The following RLN2 variants were observed in gnomAD, a reference collection of about 807,000 sequenced individuals.
RLN2 encodes the protein prorelaxin H2.
In RLN2, 10 loss-of-function variants were observed where a neutral mutation model predicts 7.3. The ratio of observed to expected loss-of-function variants is 1.36; its 90% CI spans 0.84 to 2.31. The LOEUF (loss-of-function observed/expected upper bound fraction) is 2.31. RLN2 is among the 30% of genes most tolerant of loss of function. The probability of loss-of-function intolerance (pLI) is 0.00; values close to 1 mark genes in which losing one functional copy is unlikely to be tolerated. For synonymous variants in RLN2, 103 were observed against 82.3 expected, an observed-to-expected ratio of 1.25 and a Z score of -1.36; for missense variants, 298 against 217.6, an observed-to-expected ratio of 1.37 and a Z score of -2.32.
intron 1 of RLN2, among the ~76,000 whole-genome samples, chr9:5,302,295 G>A (rs1291946939): frequency 1.3e-5 from 2 of 152,000 alleles, no homozygotes; most frequent in African/African-American, 4.8e-5. Flanking sequence ...TTATTATTTT[G>A]GATGTAAATC....
At chr9:5,301,271 A>C (rs150789772) in intron 1 of RLN2, among the ~76,000 whole-genome samples, 1 of 152,188 alleles carries the variant, frequency 6.6e-6, no homozygotes, top group Non-Finnish European at 1.5e-5. Flanking sequence ...GGCTGGCCAA[A>C]TGTGAAGGCT....
chr9:5,337,257 T>A, the RLN2 span, among the ~76,000 whole-genome samples: 2 of 152,102 alleles, frequency 1.3e-5, no homozygotes, highest in African/African-American at 2.4e-5. Flanking sequence ...ATTTTCTGTA[T>A]ACTTAAAGCC....
At chr9:5,305,191 A>C (rs1816220251), upstream of RLN2, among the ~76,000 whole-genome samples, 1 of 152,020 alleles carries the variant, frequency 6.6e-6, no homozygotes, top group Non-Finnish European at 1.5e-5. Context: ...AAAACATTAA[A>C]ATCCCCAGTA....
At chr9:5,314,384 AGGC>A in the RLN2 span, among the ~76,000 whole-genome samples, 1 of 151,944 alleles carries the variant, frequency 6.6e-6, no homozygotes, top group Non-Finnish European at 1.5e-5. Context: ...TGCCCCGTGA[AGGC>A]TTGAGCTGAA....
chr9:5,335,172 G>T, the RLN2 span: 1 of 757,158 alleles, frequency 1.3e-6, no homozygotes, highest in Non-Finnish European at 2.1e-6. Context: ...ATAATTAGTG[G>T]GACCTGACAG....
At chr9:5,314,303 C>T in the RLN2 span, among the ~76,000 whole-genome samples, 2 of 152,044 alleles carry the variant, frequency 1.3e-5, no homozygotes, top group Non-Finnish European at 2.9e-5. Flanking sequence ...TGAGCTGCTG[C>T]TACATCCTAT....
the RLN2 span, among the ~76,000 whole-genome samples, chr9:5,310,145 C>G: frequency 6.6e-6 from 1 of 151,956 alleles, no homozygotes; most frequent in Non-Finnish European, 1.5e-5. Flanking sequence ...TCTAAGGAAG[C>G]AGGGTTTTAG....
Position 5,300,449 on chromosome 9 carries a change from T to C in RLN2, c.212-5A>G, listed in dbSNP as rs766410053. 8 of 1,580,840 alleles carry C rather than the reference T, an allele frequency of 5.1e-6. No homozygotes were observed. In the South Asian group the frequency reaches 9.2e-5, roughly 18 times the overall value. On this transcript the variant is annotated splice_polypyrimidine_tract_variant and splice_region_variant and intron_variant, in intron 1 of 1. Coordinates refer to ENST00000381627, the MANE Select transcript of RLN2 (RefSeq NM_134441.3). ...TGATGAAGGATGGCACAATTTCTGT[T>C]AAATTTAAAAAAAAAGGTGTATGTG...
At chr9:5,305,402 C>CACAG (rs397829533), upstream of RLN2, among the ~76,000 whole-genome samples, 6,590 of 111,238 alleles carry the variant, frequency 0.059, 188 homozygotes, top group South Asian at 0.1. Flanking sequence ...CACACACACA[C>CACAG]AGAGAGAGAG....
chr9:5,301,169 C>A (rs1816119041), intron 1 of RLN2, among the ~76,000 whole-genome samples: 1 of 152,192 alleles, frequency 6.6e-6, no homozygotes, highest in Non-Finnish European at 1.5e-5. Flanking sequence ...CTAATGTTTT[C>A]TGTTTGATAT....
At chr9:5,328,086 C>T in the RLN2 span, among the ~76,000 whole-genome samples, 2 of 151,982 alleles carry the variant, frequency 1.3e-5, no homozygotes, top group Admixed American at 6.6e-5. Flanking sequence ...AAGTAGGCTT[C>T]AGAAGGTTGG....
chr9:5,321,672 A>AG, the RLN2 span, among the ~76,000 whole-genome samples: 7 of 151,224 alleles, frequency 4.6e-5, no homozygotes, highest in East Asian at 5.8e-4. Flanking sequence ...AGGAGGGAAG[A>AG]GGGAGGGAGG....
the RLN2 span, among the ~76,000 whole-genome samples, chr9:5,334,809 T>C: frequency 6.6e-6 from 1 of 152,080 alleles, no homozygotes; most frequent in South Asian, 2.1e-4. Flanking sequence ...TGGTTTGCAA[T>C]GAGTAGTTCA....
At chr9:5,301,856 T>C (rs551259091) in intron 1 of RLN2, among the ~76,000 whole-genome samples, 5 of 152,296 alleles carry the variant, frequency 3.3e-5, no homozygotes, top group Non-Finnish European at 5.9e-5. Context: ...AACTGTAGTA[T>C]TTCATCCTTC....
the RLN2 span, among the ~76,000 whole-genome samples, chr9:5,326,260 G>A: frequency 6.6e-6 from 1 of 152,082 alleles, no homozygotes; most frequent in Non-Finnish European, 1.5e-5. Flanking sequence ...GTAACCTCAA[G>A]GGATGAAAAG....
chr9:5,321,225 G>C, the RLN2 span, among the ~76,000 whole-genome samples: 1 of 152,022 alleles, frequency 6.6e-6, no homozygotes, highest in South Asian at 2.1e-4. Flanking sequence ...AAAATTGTAG[G>C]CTTCCTCCTA....
chr9:5,317,409 A>G, the RLN2 span, among the ~76,000 whole-genome samples: 1 of 151,104 alleles, frequency 6.6e-6, no homozygotes, highest in Non-Finnish European at 1.5e-5. Flanking sequence ...CTGAGACTGC[A>G]TCATTGCACT....
At chr9:5,322,157 A>G in the RLN2 span, among the ~76,000 whole-genome samples, 61,405 of 151,422 alleles carry the variant, frequency 0.41, 12,916 homozygotes, top group Non-Finnish European at 0.45. Context: ...GCAGACAATG[A>G]ATAAGATCCC....
chr9:5,317,975 C>A, the RLN2 span, among the ~76,000 whole-genome samples: 1 of 141,868 alleles, frequency 7.0e-6, no homozygotes, highest in African/African-American at 2.7e-5. Context: ...AAGAGAATTT[C>A]ACAGTATTTA....
Sources: gnomAD v4.1 joint callset for allele counts (sites outside exome capture counted in the v4.1 genomes callset) on GRCh38, gnomAD v4.1.1 for gene constraint, MANE v1.5 for transcripts, NCBI Gene and HGNC (gene_info 2026-07-23, HGNC 2026-07-21) for gene names.